The following POLR3B variants were observed in gnomAD, a reference collection of about 807,000 sequenced individuals.
POLR3B encodes the protein DNA-directed RNA polymerase III subunit RPC2.
In POLR3B, 96 loss-of-function variants were observed where a neutral mutation model predicts 147.4. That is an observed-to-expected ratio of 0.65 (90% CI 0.55 to 0.77). POLR3B has a LOEUF of 0.77. POLR3B is among the 30% of genes least tolerant of loss of function. POLR3B has a pLI of 0.00. For synonymous variants in POLR3B, 461 were observed against 485.9 expected (o/e 0.95, Z 0.67); for missense variants, 1,036 against 1,413.5 (o/e 0.73, Z 4.28).
chr12:106,485,913 T>C (rs2038330799), intron 23 of POLR3B, among the ~76,000 whole-genome samples: 1 of 152,180 alleles, frequency 6.6e-6, no homozygotes, highest in Non-Finnish European at 1.5e-5. Context: ...TTTTTGTGTA[T>C]TGATCATTTA....
At chr12:106,371,904 C>A (rs1033027748) in intron 6 of POLR3B, among the ~76,000 whole-genome samples, 1 of 151,470 alleles carries the variant, frequency 6.6e-6, no homozygotes, top group East Asian at 1.9e-4. Flanking sequence ...CTAACCTGCA[C>A]GTTGTGCACA....
At chr12:106,391,043 C>T (rs567652803) in intron 9 of POLR3B, among the ~76,000 whole-genome samples, 7 of 152,244 alleles carry the variant, frequency 4.6e-5, no homozygotes, top group African/African-American at 1.4e-4. Flanking sequence ...TAAGCAAGAC[C>T]GCTTCACCAA....
At chr12:106,368,963 G>C (rs1352346349) in intron 4 of POLR3B, among the ~76,000 whole-genome samples, 1 of 151,668 alleles carries the variant, frequency 6.6e-6, no homozygotes, top group Admixed American at 6.6e-5. Context: ...TTTTGCAAAT[G>C]ATAGCATATC....
chr12:106,451,637 G>T lies in POLR3B; in HGVS notation c.2084-2865G>T, dbSNP rs550637704. 1.5e-5 allele frequency among the ~76,000 whole-genome samples: 2 copies of T among 137,332 alleles called. 1 individual carries two copies. The highest frequency in any genetic ancestry group is 5.6e-5 in the African/African-American group (2 of 35,598). The allele number at this position is 137,332 out of a possible 152,430, so 90.1% of individuals were successfully genotyped here. On this transcript the variant is annotated intron_variant, in intron 19 of 27. Transcript: ENST00000228347. ...ACTCTGTTATTTAAAAAAAGGCGGGGGGGGAGGAGAGGGGAGGGAAGGAGA... is the reference window on the plus strand; with the variant it reads ...ACTCTGTTATTTAAAAAAAGGCGGGTGGGGAGGAGAGGGGAGGGAAGGAGA...
rs1402214358 is a variant in POLR3B at position 106,357,766 on chromosome 12, C to T, written c.-114C>T. On this transcript the variant is annotated 5_prime_UTR_variant, in exon 1 of 28. In the 5' UTR this introduces an upstream ATG that the reference lacks. Coordinates refer to ENST00000228347, the MANE Select transcript of POLR3B (RefSeq NM_018082.6). ...CTACCGCGTCTCTAGCTAACACGCA[C>T]GGCGGGGACAGTTTAGGCCTCCGCG... The T allele has an allele frequency of 1.1e-5, 11 of 1,045,252 alleles. No individual in the cohort carries two copies. In the East Asian group the frequency reaches 2.3e-4, roughly 22 times the overall value. 64.7% of individuals were successfully genotyped at this position (1,045,252 alleles called of 1,614,324 possible). A position where few individuals can be genotyped will look rare whatever the true frequency, so the allele number is the denominator to read the frequency against.
Position 106,454,612 on chromosome 12 carries a change from A to T in POLR3B, c.2194A>T (p.Lys732Ter). Residue 732 changes from lysine to a stop codon, truncating the protein, a stop_gained, in exon 20 of 28, where the codon AAA (lysine) becomes TAA (stop). Transcript: ENST00000228347. LOFTEE classifies it high-confidence loss of function. ...TKTIELIEFEKLPAGQNATVA... is the reference protein window; with the variant it reads ...TKTIELIEFE The stretch of plus-strand genomic sequence containing the variant: ...AACCATTGAATTGATAGAATTTGAG[A>T]AACTGCCAGCTGGACAGAATGCAAC... 6.2e-7 allele frequency: 1 copy of T among 1,611,202 alleles called. No homozygotes were observed.
intron 9 of POLR3B, among the ~76,000 whole-genome samples, chr12:106,388,594 G>A (rs958305401): frequency 2.6e-5 from 4 of 152,184 alleles, no homozygotes; most frequent in Non-Finnish European, 5.9e-5. Flanking sequence ...GGGATTACAG[G>A]CGTGAGCCAA....
At position 106,357,822 on chromosome 12, in the gene POLR3B, T is replaced by C. The variant is rs371977477; in HGVS notation, c.-58T>C. 1.7e-5 allele frequency: 26 copies of C among 1,538,240 alleles called. No individual in the cohort carries two copies. In the African/African-American group the frequency reaches 3.1e-4, roughly 18 times the overall value. On this transcript the variant is annotated 5_prime_UTR_variant, in exon 1 of 28. Transcript: ENST00000228347. ...TTCGCCGGGAGTCTTGCAGTTTGCT[T>C]GGTGCAGGGAAGGCGGGCGCGGAGG...
At position 106,459,164 on chromosome 12, in the gene POLR3B, C is replaced by T. The variant is rs140928711; in HGVS notation, c.2453-87C>T. On this transcript the variant is annotated intron_variant, in intron 21 of 27. Coordinates refer to ENST00000228347, the MANE Select transcript of POLR3B (RefSeq NM_018082.6). ...GCAGCCTCCTGAGTTGTTGGGACTG[C>T]AGGCCTGTGCATCTTTGCCTAGTTC... is the stretch of plus-strand genomic sequence containing the variant. 8.5e-5 allele frequency: 68 copies of T among 801,704 alleles called. No individual in the cohort carries two copies. The East Asian group carries it at 1.7e-3, about 20-fold the overall frequency. The allele number at this position is 801,704 out of a possible 1,614,324, so 49.7% of individuals were successfully genotyped here. A position where few individuals can be genotyped will look rare whatever the true frequency, so the allele number is the denominator to read the frequency against.
rs199568307 is a variant in POLR3B, at chr12:106,463,659, A to G, written c.2713+39A>G. 37 of 1,545,246 alleles carry G rather than the reference A, an allele frequency of 2.4e-5. No homozygotes were observed. The African/African-American group carries it at 4.6e-4, about 19-fold the overall frequency. On this transcript the variant is annotated intron_variant, in intron 23 of 27. Coordinates refer to ENST00000228347, the MANE Select transcript of POLR3B (RefSeq NM_018082.6). Reference sequence around the variant, plus strand: ...TTTCTCAACTTGATTATAAAACAATATATGAATGTATTTGTTAACCACTTA... The same window carrying G: ...TTTCTCAACTTGATTATAAAACAATGTATGAATGTATTTGTTAACCACTTA...
At chr12:106,507,862 T>G (rs2038714660) in intron 27 of POLR3B, 1 of 453,464 alleles carries the variant, frequency 2.2e-6, no homozygotes, top group East Asian at 7.0e-5. Context: ...TCCCTGCTCA[T>G]TGTAAAACAT....
At chr12:106,474,305 A>AG (rs1471058558) in intron 23 of POLR3B, among the ~76,000 whole-genome samples, 1 of 131,862 alleles carries the variant, frequency 7.6e-6, no homozygotes, top group Non-Finnish European at 1.6e-5. Context: ...ACGTTCATCA[A>AG]GGATATTGGT....
At chr12:106,474,208 A>G (rs1303637555) in intron 23 of POLR3B, among the ~76,000 whole-genome samples, 2 of 135,644 alleles carry the variant, frequency 1.5e-5, no homozygotes, top group African/African-American at 5.6e-5. Context: ...CATCCCAGGG[A>G]TGAAGTCCAC....
intron 10 of POLR3B, among the ~76,000 whole-genome samples, chr12:106,403,986 A>G (rs2037111958): frequency 6.6e-6 from 1 of 151,966 alleles, no homozygotes; most frequent in Non-Finnish European, 1.5e-5. Context: ...AAAAAAAAGA[A>G]TTGTTGAATC....
At chr12:106,364,540 G>A (rs894584984) in intron 2 of POLR3B, among the ~76,000 whole-genome samples, 6 of 152,192 alleles carry the variant, frequency 3.9e-5, no homozygotes, top group East Asian at 3.8e-4. Flanking sequence ...AAAACAGGCT[G>A]TCAGTTTCTC....
intron 10 of POLR3B, among the ~76,000 whole-genome samples, chr12:106,405,070 C>T (rs987767681): frequency 3.3e-5 from 5 of 152,040 alleles, no homozygotes; most frequent in Non-Finnish European, 5.9e-5. Context: ...ACTTTTTATT[C>T]TCTTTCATTG....
At chr12:106,452,217 A>G (rs576796050) in intron 19 of POLR3B, among the ~76,000 whole-genome samples, 1 of 152,344 alleles carries the variant, frequency 6.6e-6, no homozygotes, top group African/African-American at 2.4e-5. Flanking sequence ...TATAAATTCT[A>G]TTTTAACATT....
chr12:106,488,382 T>C (rs745356489), intron 23 of POLR3B, among the ~76,000 whole-genome samples: 1 of 152,196 alleles, frequency 6.6e-6, no homozygotes, highest in Non-Finnish European at 1.5e-5. Context: ...AGTAATAACC[T>C]TCTATACATC....
chr12:106,432,212 A>T, intron 14 of POLR3B, 106 bp from the exon 15 acceptor site: 1 of 976,562 alleles, frequency 1.0e-6, no homozygotes, highest in Non-Finnish European at 1.7e-6. Context: ...ACAAAGTTGT[A>T]CTGCTTTGCA....
Sources: gnomAD v4.1 joint callset for allele counts (sites outside exome capture counted in the v4.1 genomes callset) on GRCh38, gnomAD v4.1.1 for gene constraint, MANE v1.5 for transcripts, NCBI Gene and HGNC (gene_info 2026-07-23, HGNC 2026-07-21) for gene names.